The following PUM2 variants were observed in gnomAD, a reference collection of about 807,000 sequenced individuals.
PUM2 encodes pumilio homolog 2.
Under a neutral mutation model 124.5 loss-of-function variants are expected in PUM2, and 57 were observed. That is an observed-to-expected ratio of 0.46 (90% CI 0.37 to 0.57). The LOEUF is 0.57. Among genes scored for constraint, PUM2 ranks in the 20% least tolerant of loss-of-function variants. The pLI, the probability that PUM2 is intolerant of heterozygous loss-of-function variation, is 0.00. For missense variants in PUM2, 1,065 were observed against 1,290.6 expected (o/e 0.83, Z 2.68); for synonymous variants, 460 against 446.1 (o/e 1.03, Z -0.39).
At chr2:20,337,979 T>C (rs1686470699) in intron 1 of PUM2, among the ~76,000 whole-genome samples, 2 of 152,156 alleles carry the variant, frequency 1.3e-5, no homozygotes, top group Admixed American at 1.3e-4. Context: ...CTGGCCACAA[T>C]TTCCCTACCC....
chr2:20,255,890 AATT>A, intron 17 of PUM2, 140 bp downstream of exon 17: 1 of 840,050 alleles, frequency 1.2e-6, no homozygotes, highest in Non-Finnish European at 1.7e-6. Context: ...AAGAGGAAGA[AATT>A]AATGTACATT....
intron 1 of PUM2, among the ~76,000 whole-genome samples, chr2:20,330,505 TTC>T (rs982110881): frequency 6.6e-6 from 1 of 152,186 alleles, no homozygotes; most frequent in Non-Finnish European, 1.5e-5. Flanking sequence ...GAGGTGAGAC[TTC>T]TGCAAAATTC....
intron 8 of PUM2, among the ~76,000 whole-genome samples, chr2:20,296,224 G>C (rs754222372): frequency 1.3e-5 from 2 of 152,084 alleles, no homozygotes; most frequent in Non-Finnish European, 2.9e-5. Context: ...GGCCGGGCGC[G>C]GTGGCTCACG....
At chr2:20,320,541 T>C (rs866420509) in intron 2 of PUM2, among the ~76,000 whole-genome samples, 57 of 151,970 alleles carry the variant, frequency 3.8e-4, no homozygotes, top group African/African-American at 1.3e-3. Flanking sequence ...AATGTTTTAA[T>C]TAAAAAATGT....
At chr2:20,268,964 T>C (rs1668375909) in intron 13 of PUM2, among the ~76,000 whole-genome samples, 1 of 152,226 alleles carries the variant, frequency 6.6e-6, no homozygotes, top group South Asian at 2.1e-4. Flanking sequence ...GGCAGACATA[T>C]CTCCATTTTA....
chr2:20,278,775 A>G lies in PUM2; in HGVS notation c.1765T>C (p.Ser589Pro). The G allele has an allele frequency of 6.2e-7, 1 of 1,613,628 alleles. No homozygotes were observed. The highest frequency in any genetic ancestry group is 1.3e-5 in the African/African-American group (1 of 75,006). Residue 589 changes from serine to proline, a missense_variant, in exon 13 of 21, where the codon TCT (serine) becomes CCT (proline). By Grantham distance (74) the Ser-to-Pro change is moderately conservative (BLOSUM62 -1). This residue lies in a region of PUM2 where 968 missense variants were observed against 1,159.8 expected (regional missense o/e 0.83). Transcript: ENST00000361078. ...CTTTTGTACAAGTCAGAGCTAGTAG[A>G]TAGAGACTCTCTCCTTGTGGCACTA... ...SSSATRRESL[S>P]TSSDLYKRSS...
intron 13 of PUM2, among the ~76,000 whole-genome samples, chr2:20,276,900 G>C (rs1335547749): frequency 1.3e-5 from 2 of 152,044 alleles, no homozygotes; most frequent in African/African-American, 4.8e-5. Flanking sequence ...CAGAATGCTG[G>C]CCCAGTGGTG....
At chr2:20,309,229 T>C (rs900429838) in intron 5 of PUM2, among the ~76,000 whole-genome samples, 3 of 152,140 alleles carry the variant, frequency 2.0e-5, no homozygotes, top group Non-Finnish European at 4.4e-5. Flanking sequence ...AGTCTTCTTA[T>C]TGAGGAGACT....
rs1384577431 is a variant in PUM2, at chr2:20,250,470, A to G, written c.*1115T>C. Reference sequence around the variant, plus strand: ...TTTACAAATGTACACCTGTACAACCAAGGAAAGCATCACTACTAAATTAGC... The same window carrying G: ...TTTACAAATGTACACCTGTACAACCGAGGAAAGCATCACTACTAAATTAGC... On this transcript the variant is annotated 3_prime_UTR_variant, in exon 21 of 21. Coordinates refer to ENST00000361078, the MANE Select transcript of PUM2 (RefSeq NM_015317.5). 3.3e-5 allele frequency: 5 copies of G among 152,580 alleles called. No homozygotes were observed. Among genetic ancestry groups the G allele is most frequent in the Admixed American group, 3.3e-4 (5 of 15,278 alleles). 9.5% of individuals were successfully genotyped at this position (152,580 alleles called of 1,614,324 possible).
At chr2:20,289,886 G>A (rs901168895) in intron 10 of PUM2, among the ~76,000 whole-genome samples, 22 of 151,936 alleles carry the variant, frequency 1.4e-4, no homozygotes, top group African/African-American at 4.6e-4. Context: ...ACCCATATAC[G>A]GACAACCACT....
At chr2:20,334,498 T>C (rs1409907175) in intron 1 of PUM2, among the ~76,000 whole-genome samples, 2 of 152,130 alleles carry the variant, frequency 1.3e-5, no homozygotes, top group East Asian at 1.9e-4. Flanking sequence ...ATTAACACCA[T>C]AGTAGAAATT....
chr2:20,266,675 C>A (rs764195800), intron 13 of PUM2, among the ~76,000 whole-genome samples: 7 of 152,044 alleles, frequency 4.6e-5, no homozygotes, highest in Admixed American at 6.5e-5. Context: ...GAAAGCAGGT[C>A]ATCTAAAATA....
chr2:20,304,362 G>C (rs143938975), intron 7 of PUM2, among the ~76,000 whole-genome samples: 1 of 151,922 alleles, frequency 6.6e-6, no homozygotes, highest in Admixed American at 6.6e-5. Flanking sequence ...ATTTCTGTCT[G>C]GCCAAGTACA....
intron 10 of PUM2, 137 bp downstream of exon 10, chr2:20,290,515 G>A: frequency 1.2e-6 from 1 of 819,448 alleles, no homozygotes; most frequent in Non-Finnish European, 1.8e-6. Flanking sequence ...TCAATTATTA[G>A]CATCTGAGTT....
At chr2:20,271,798 A>T (rs1334066599) in intron 13 of PUM2, among the ~76,000 whole-genome samples, 1 of 152,242 alleles carries the variant, frequency 6.6e-6, no homozygotes, top group African/African-American at 2.4e-5. Context: ...AATTTTATAA[A>T]AAGTTTACAA....
At chr2:20,252,529 C>T (rs1048464268) in intron 20 of PUM2, among the ~76,000 whole-genome samples, 1 of 152,142 alleles carries the variant, frequency 6.6e-6, no homozygotes, top group African/African-American at 2.4e-5. Context: ...TATGAGGAGA[C>T]GACCAAAGGG....
chr2:20,304,942 C>A (rs1276241658), intron 7 of PUM2, among the ~76,000 whole-genome samples: 1 of 152,018 alleles, frequency 6.6e-6, no homozygotes, highest in Admixed American at 6.5e-5. Context: ...ATATTTCTAT[C>A]GACTAGTCCT....
At chr2:20,330,198 G>T (rs1179883686) in intron 1 of PUM2, among the ~76,000 whole-genome samples, 1 of 152,182 alleles carries the variant, frequency 6.6e-6, no homozygotes, top group East Asian at 1.9e-4. Flanking sequence ...GCTGAAAGGA[G>T]TGCCAATCCA....
intron 16 of PUM2, 132 bp from the exon 17 acceptor site, chr2:20,256,302 G>T: frequency 1.2e-6 from 1 of 820,808 alleles, no homozygotes; most frequent in Non-Finnish European, 1.7e-6. Context: ...ATACTGAGAT[G>T]GGAACACAAA....
Sources: allele counts gnomAD v4.1 joint callset (sites outside exome capture counted in the v4.1 genomes callset), GRCh38; gene constraint gnomAD v4.1.1; regional missense constraint gnomAD v4.1.1; transcripts MANE v1.5; gene names NCBI Gene and HGNC (gene_info 2026-07-23, HGNC 2026-07-21).